The following KIF26B variants were observed in gnomAD, a reference collection of about 807,000 sequenced individuals.
The protein encoded by KIF26B is kinesin family member 26B.
A neutral mutation model predicts 151.2 loss-of-function variants in KIF26B; 63 were observed. The observed-to-expected ratio is 0.42, with a 90% CI of 0.34 to 0.51. KIF26B has a LOEUF of 0.51. KIF26B is among the 20% of genes least tolerant of loss of function. The probability of loss-of-function intolerance (pLI) is 0.07; values close to 1 mark genes in which losing one functional copy is unlikely to be tolerated. For missense variants in KIF26B, 2,813 were observed against 2,913.6 expected (o/e 0.97, Z 0.79); for synonymous variants, 1,357 against 1,262.1 (o/e 1.08, Z -1.59).
At chr1:245,306,471 C>G (rs1301230627) in intron 2 of KIF26B, among the ~76,000 whole-genome samples, 1 of 152,108 alleles carries the variant, frequency 6.6e-6, no homozygotes, top group Non-Finnish European at 1.5e-5. Context: ...TGTAAATATA[C>G]TAAAAAGCAT....
intron 2 of KIF26B, among the ~76,000 whole-genome samples, chr1:245,327,987 GTGAAGGGAAGAGTCTGCACTTAGCCAGCA>G (rs1050691476): frequency 1.2e-4 from 19 of 152,180 alleles, no homozygotes; most frequent in Non-Finnish European, 2.4e-4. Context: ...CTTAGCCAGT[GTGAAGGGAAGAGTCTGCACTTAGCCAGCA>G]TGAAGGGAAG....
chr1:245,187,593 G>A (rs1669021980), intron 2 of KIF26B, among the ~76,000 whole-genome samples: 1 of 152,190 alleles, frequency 6.6e-6, no homozygotes, highest in Non-Finnish European at 1.5e-5. Context: ...TTGAGAGACA[G>A]TACAAGAGAA....
chr1:245,607,798 T>C (rs370211733), intron 7 of KIF26B, 54 bp downstream of exon 7: 11 of 1,365,236 alleles, frequency 8.1e-6, no homozygotes, highest in Non-Finnish European at 1.0e-5. Context: ...TGTCATCCCA[T>C]GCATTCCTCT....
intron 2 of KIF26B, among the ~76,000 whole-genome samples, chr1:245,188,762 C>G (rs902538393): frequency 3.3e-5 from 5 of 152,136 alleles, no homozygotes; most frequent in Non-Finnish European, 7.4e-5. Context: ...ATCTGTACAC[C>G]CATGTTCGTA....
intron 2 of KIF26B, among the ~76,000 whole-genome samples, chr1:245,332,018 C>G (rs556487340): frequency 6.6e-6 from 1 of 152,004 alleles, no homozygotes; most frequent in Admixed American, 6.6e-5. Flanking sequence ...CTCAGCTAGT[C>G]GGGAGGCTGA....
intron 2 of KIF26B, among the ~76,000 whole-genome samples, chr1:245,335,834 AGAAGGAGGAGTCCCACGAAGG>A (rs1672214108): frequency 1.4e-5 from 1 of 71,068 alleles, no homozygotes; most frequent in African/African-American, 5.6e-5. Context: ...CCCCACGCGG[AGAAGGAGGAGTCCCACGAAGG>A]GAAAGGAGGG....
chr1:245,316,538 AT>A (rs886691988), intron 2 of KIF26B, among the ~76,000 whole-genome samples: 58 of 151,676 alleles, frequency 3.8e-4, no homozygotes, highest in African/African-American at 9.4e-4. Flanking sequence ...ATGATTTTCA[AT>A]TTTTTTTTAA....
At position 245,661,905 on chromosome 1, in the gene KIF26B, T is replaced by C. The variant is rs1309611689; in HGVS notation, c.2258+15625T>C. On this transcript the variant is annotated intron_variant, in intron 10 of 14. Transcript: ENST00000407071. ...CCCCATATATATACACCCAATGATA[T>C]ACATACACACACTCAATATATATAT... Among the ~76,000 whole-genome samples, 3 of 77,648 alleles carry C rather than the reference T, an allele frequency of 3.9e-5. 1 individual carries two copies. The highest frequency in any genetic ancestry group is 8.6e-5 in the Non-Finnish European group (3 of 35,060). 50.9% of individuals were successfully genotyped at this position (77,648 alleles called of 152,430 possible).
At chr1:245,161,633 A>AAC (rs376423351) in intron 2 of KIF26B, among the ~76,000 whole-genome samples, 55 of 152,262 alleles carry the variant, frequency 3.6e-4, no homozygotes, top group Non-Finnish European at 5.9e-4. Flanking sequence ...ACTACACTGA[A>AAC]ACACACACAC....
At chr1:245,648,545 G>A (rs959690911) in intron 10 of KIF26B, among the ~76,000 whole-genome samples, 18 of 152,034 alleles carry the variant, frequency 1.2e-4, no homozygotes, top group African/African-American at 4.1e-4. Flanking sequence ...TGAGGTGGAA[G>A]GGTGGCTTGA....
chr1:245,220,370 C>T (rs1349930273), intron 2 of KIF26B, among the ~76,000 whole-genome samples: 1 of 152,032 alleles, frequency 6.6e-6, no homozygotes, highest in African/African-American at 2.4e-5. Flanking sequence ...TCACCAGTGT[C>T]GGAACTGAGA....
At chr1:245,685,091 C>G (rs1309682593) in intron 11 of KIF26B, among the ~76,000 whole-genome samples, 1 of 152,244 alleles carries the variant, frequency 6.6e-6, no homozygotes, top group Non-Finnish European at 1.5e-5. Context: ...AACCAGAGTT[C>G]CACGGCACAG....
intron 3 of KIF26B, among the ~76,000 whole-genome samples, chr1:245,395,195 G>A (rs1004960769): frequency 6.6e-6 from 1 of 152,166 alleles, no homozygotes; most frequent in Admixed American, 6.6e-5. Context: ...GAGTAGATTT[G>A]AGTGCATGTC....
chr1:245,464,587 G>A (rs1659732365), intron 4 of KIF26B, among the ~76,000 whole-genome samples: 1 of 145,536 alleles, frequency 6.9e-6, no homozygotes, highest in Admixed American at 6.9e-5. Flanking sequence ...GTGTGCACGT[G>A]TGTGGGTGTG....
At chr1:245,548,815 C>A (rs1375769123) in intron 5 of KIF26B, among the ~76,000 whole-genome samples, 4 of 151,092 alleles carry the variant, frequency 2.6e-5, no homozygotes, top group Non-Finnish European at 4.4e-5. Flanking sequence ...ACAATCTCAG[C>A]TCACTGCAAC....
At chr1:245,172,636 C>A (rs186756095) in intron 2 of KIF26B, among the ~76,000 whole-genome samples, 1 of 152,108 alleles carries the variant, frequency 6.6e-6, no homozygotes, top group South Asian at 2.1e-4. Flanking sequence ...ATGGTGAAAC[C>A]CCATCTCTAC....
chr1:245,519,780 T>A (rs1213487658), intron 4 of KIF26B, among the ~76,000 whole-genome samples: 1 of 152,122 alleles, frequency 6.6e-6, no homozygotes, highest in Non-Finnish European at 1.5e-5. Flanking sequence ...AGTATTTGTG[T>A]CCCTAAACAT....
intron 2 of KIF26B, among the ~76,000 whole-genome samples, chr1:245,186,377 A>G (rs1424196235): frequency 6.6e-6 from 1 of 152,180 alleles, no homozygotes; most frequent in African/African-American, 2.4e-5. Flanking sequence ...GTCTGCGAGC[A>G]CCTTACTGAG....
chr1:245,654,752 G>C (rs2044055598), intron 10 of KIF26B, among the ~76,000 whole-genome samples: 1 of 152,210 alleles, frequency 6.6e-6, no homozygotes, highest in Non-Finnish European at 1.5e-5. Context: ...TGATAAGACA[G>C]CTTCCATCTC....
Sources: gnomAD v4.1 joint callset for allele counts (sites outside exome capture counted in the v4.1 genomes callset) on GRCh38, gnomAD v4.1.1 for gene constraint, MANE v1.5 for transcripts, NCBI Gene and HGNC (gene_info 2026-07-23, HGNC 2026-07-21) for gene names.